The following WNT9B variants were observed in gnomAD, a reference collection of about 807,000 sequenced individuals.
WNT9B encodes the protein Wnt family member 9B, also known as protein Wnt-9b.
WNT9B carries 12 observed loss-of-function variants against 30.2 expected under a neutral mutation model. That is an observed-to-expected ratio of 0.40 (90% CI 0.26 to 0.64). The LOEUF (loss-of-function observed/expected upper bound fraction) is 0.64. WNT9B is among the 30% of genes least tolerant of loss of function. The pLI, the probability that WNT9B is intolerant of heterozygous loss-of-function variation, is 0.42. For missense variants in WNT9B, 442 were observed against 485.2 expected (o/e 0.91, Z 0.84); for synonymous variants, 218 against 216.9 (o/e 1.01, Z -0.05).
rs1323185383 is a variant in WNT9B at position 46,879,859 on chromosome 17, A to G, written c.*3141A>G. On this transcript the variant is annotated 3_prime_UTR_variant, in exon 4 of 4. Transcript: ENST00000290015. ...TCCCCCAAGTGGAGTCCCATGTCTC[A>G]GGGGCTTTGGCTGCCTGAGAAGGCT... Among the ~76,000 whole-genome samples, 1 of 152,180 alleles carries G rather than the reference A, an allele frequency of 6.6e-6. No individual in the cohort carries two copies. The highest frequency in any genetic ancestry group is 1.5e-5 in the Non-Finnish European group (1 of 68,024).
chr17:46,874,943 C>T, intron 2 of WNT9B, 158 bp from the exon 3 acceptor site: 1 of 1,153,964 alleles, frequency 8.7e-7, no homozygotes. Context: ...GGAGACCCAC[C>T]CGGAGCTGTG....
rs567099645 is a variant in WNT9B, at chr17:46,865,493, G to C, written c.78-7024G>C. ...GTCCTCAGGGTGGGTTCATGGGGATGGAGGGTGAGAGCTGGGTAGGGAAGG... is the reference window on the plus strand; with the variant it reads ...GTCCTCAGGGTGGGTTCATGGGGATCGAGGGTGAGAGCTGGGTAGGGAAGG... On this transcript the variant is annotated intron_variant, in intron 1 of 3. Coordinates refer to ENST00000290015, the MANE Select transcript of WNT9B (RefSeq NM_003396.3). Among the ~76,000 whole-genome samples, 166 of 152,318 alleles carry C rather than the reference G, an allele frequency of 1.1e-3. 1 individual carries two copies. Among genetic ancestry groups the C allele is most frequent in the South Asian group, 1.9e-3 (9 of 4,822 alleles).
At chr17:46,873,696 T>C (rs2085294204) in intron 2 of WNT9B, among the ~76,000 whole-genome samples, 1 of 151,048 alleles carries the variant, frequency 6.6e-6, no homozygotes, top group South Asian at 2.1e-4. Flanking sequence ...CCGTCTCTAC[T>C]AAAAATACAA....
At chr17:46,852,296 A>G (rs1032565591) in intron 1 of WNT9B, among the ~76,000 whole-genome samples, 7 of 152,124 alleles carry the variant, frequency 4.6e-5, no homozygotes, top group Non-Finnish European at 8.8e-5. Context: ...CTGGAGACGC[A>G]GGAAGGAACC....
At chr17:46,885,099 C>T (rs1487737008), downstream of WNT9B, 8 of 430,628 alleles carry the variant, frequency 1.9e-5, no homozygotes, top group Non-Finnish European at 2.3e-5. Context: ...AGCGATTCTC[C>T]CGTCTCAGCT....
At chr17:46,875,080 G>C (rs759513462) in intron 2 of WNT9B, 21 bp from the exon 3 acceptor site, 1 of 1,613,320 alleles carries the variant, frequency 6.2e-7, no homozygotes, top group Non-Finnish European at 8.5e-7. Flanking sequence ...CCCTCCCTAT[G>C]CCCCTGGGTG....
At chr17:46,839,437 T>TTTTTTCTCA (rs1568113336) in intron 1 of WNT9B, among the ~76,000 whole-genome samples, 11 of 152,342 alleles carry the variant, frequency 7.2e-5, no homozygotes, top group Non-Finnish European at 1.3e-4. Context: ...GTATGGTAGC[T>TTTTTTCTCA]GCCACTGGGC....
At chr17:46,871,473 A>T (rs1215483346) in intron 1 of WNT9B, among the ~76,000 whole-genome samples, 1 of 152,088 alleles carries the variant, frequency 6.6e-6, no homozygotes, top group South Asian at 2.1e-4. Flanking sequence ...TTGTTTCCTC[A>T]TCTGGACAAA....
At chr17:46,852,850 G>T (rs529377446) in intron 1 of WNT9B, among the ~76,000 whole-genome samples, 4 of 152,262 alleles carry the variant, frequency 2.6e-5, no homozygotes, top group Admixed American at 1.3e-4. Context: ...AAAGGTCTGA[G>T]AAGTTCTGCA....
At chr17:46,834,007 G>A (rs1402649436) in intron 1 of WNT9B, among the ~76,000 whole-genome samples, 2 of 152,004 alleles carry the variant, frequency 1.3e-5, no homozygotes, top group African/African-American at 4.8e-5. Context: ...ACCAACCTGG[G>A]CAACATAGTG....
At chr17:46,866,510 CAGG>C (rs2085140341) in intron 1 of WNT9B, among the ~76,000 whole-genome samples, 2 of 151,668 alleles carry the variant, frequency 1.3e-5, no homozygotes, top group African/African-American at 4.8e-5. Context: ...CAGTGAGGGC[CAGG>C]AGAGGTAGAC....
At chr17:46,867,381 G>A (rs2085156729) in intron 1 of WNT9B, among the ~76,000 whole-genome samples, 1 of 152,232 alleles carries the variant, frequency 6.6e-6, no homozygotes, top group African/African-American at 2.4e-5. Context: ...TCTGGCTCCA[G>A]CCATCCCCTC....
chr17:46,873,913 C>G (rs542289497), intron 2 of WNT9B, among the ~76,000 whole-genome samples: 2 of 150,640 alleles, frequency 1.3e-5, no homozygotes, highest in East Asian at 3.9e-4. Flanking sequence ...TGCTTGAACC[C>G]GGGAGGTGGA....
chr17:46,848,265 A>T (rs1183086006), upstream of WNT9B, among the ~76,000 whole-genome samples: 3 of 152,206 alleles, frequency 2.0e-5, no homozygotes, highest in Admixed American at 2.0e-4. Context: ...GAGCCCAGGA[A>T]GGAGTGCTTC....
chr17:46,850,508 A>G (rs6504583), upstream of WNT9B, among the ~76,000 whole-genome samples: 87,565 of 152,070 alleles, frequency 0.58, 28,721 homozygotes, highest in East Asian at 0.89. Context: ...CCAAGGTCGC[A>G]GTCACTTGAT....
intron 1 of WNT9B, among the ~76,000 whole-genome samples, chr17:46,870,682 T>G (rs559742692): frequency 6.6e-6 from 1 of 152,300 alleles, no homozygotes; most frequent in Admixed American, 6.5e-5. Context: ...GGCTTCCAAC[T>G]TCTGGGGCAT....
intron 1 of WNT9B, among the ~76,000 whole-genome samples, chr17:46,864,070 C>T (rs1485561367): frequency 6.6e-6 from 1 of 152,226 alleles, no homozygotes; most frequent in East Asian, 1.9e-4. Flanking sequence ...CAAGGCATTC[C>T]CCAGAGGCCT....
upstream of WNT9B, among the ~76,000 whole-genome samples, chr17:46,850,009 G>A (rs141708664): frequency 4.6e-5 from 7 of 152,202 alleles, no homozygotes; most frequent in African/African-American, 1.7e-4. Context: ...TGCCACACCC[G>A]GCTAATGTCT....
At chr17:46,848,851 G>A (rs1479174448), upstream of WNT9B, among the ~76,000 whole-genome samples, 1 of 152,180 alleles carries the variant, frequency 6.6e-6, no homozygotes, top group African/African-American at 2.4e-5. Context: ...TCTGTGCAAT[G>A]GAGTTATGAT....
Sources: allele counts gnomAD v4.1 joint callset (sites outside exome capture counted in the v4.1 genomes callset), GRCh38; gene constraint gnomAD v4.1.1; transcripts MANE v1.5; gene names NCBI Gene and HGNC (gene_info 2026-07-23, HGNC 2026-07-21).